Variants in ARHGAP28 observed in about 807,000 individuals in gnomAD.
The protein encoded by ARHGAP28 is rho GTPase-activating protein 28.
A neutral mutation model predicts 90.7 loss-of-function variants in ARHGAP28; 56 were observed. That is an observed-to-expected ratio of 0.62 (90% confidence interval 0.50 to 0.77). The LOEUF is 0.77. Among genes scored for constraint, ARHGAP28 ranks in the 30% least tolerant of loss-of-function variants. The pLI is 0.00. For missense variants in ARHGAP28, 869 were observed against 900.9 expected (o/e 0.96, Z 0.45); for synonymous variants, 308 against 323.3 (o/e 0.95, Z 0.51).
intron 1 of ARHGAP28, among the ~76,000 whole-genome samples, chr18:6,780,271 A>G (rs1256028966): frequency 6.6e-6 from 1 of 152,222 alleles, no homozygotes; most frequent in Non-Finnish European, 1.5e-5. Context: ...GGGCAGATTG[A>G]ACCAACCTTG....
chr18:6,859,291 A>G (rs1371770265), intron 4 of ARHGAP28, among the ~76,000 whole-genome samples: 1 of 152,156 alleles, frequency 6.6e-6, no homozygotes, highest in African/African-American at 2.4e-5. Flanking sequence ...GGCCAGCCGC[A>G]TGGACACAGC....
At chr18:6,741,932 T>A (rs1344141639) in intron 1 of ARHGAP28, among the ~76,000 whole-genome samples, 5 of 152,084 alleles carry the variant, frequency 3.3e-5, no homozygotes, top group Admixed American at 1.3e-4. Context: ...TCCTCTAGAG[T>A]ATAAAAGATG....
chr18:6,886,934 T>C (rs993539550), intron 11 of ARHGAP28, among the ~76,000 whole-genome samples: 2 of 152,188 alleles, frequency 1.3e-5, no homozygotes, highest in African/African-American at 4.8e-5. Context: ...GAGGATCTCG[T>C]TGGCCACCTG....
At chr18:6,743,923 C>G (rs1029306538) in intron 1 of ARHGAP28, among the ~76,000 whole-genome samples, 3 of 152,128 alleles carry the variant, frequency 2.0e-5, no homozygotes, top group Non-Finnish European at 4.4e-5. Context: ...CAGCTGCATC[C>G]AGAGTTCCAC....
At chr18:6,832,309 T>C (rs558206186) in intron 2 of ARHGAP28, among the ~76,000 whole-genome samples, 4 of 151,640 alleles carry the variant, frequency 2.6e-5, no homozygotes, top group South Asian at 4.1e-4. Flanking sequence ...TTTAGACTTA[T>C]TTTATGGCTC....
chr18:6,756,649 A>G (rs532491216), intron 1 of ARHGAP28, among the ~76,000 whole-genome samples: 3 of 152,284 alleles, frequency 2.0e-5, no homozygotes, highest in East Asian at 1.9e-4. Flanking sequence ...GACTCACACA[A>G]TCACAAGGTG....
chr18:6,749,680 C>T (rs1399388189), intron 1 of ARHGAP28, among the ~76,000 whole-genome samples: 3 of 152,076 alleles, frequency 2.0e-5, no homozygotes, highest in African/African-American at 7.2e-5. Context: ...TATGCAAAAA[C>T]AGATTTTTGG....
At chr18:6,804,253 T>C (rs2056502898) in intron 1 of ARHGAP28, among the ~76,000 whole-genome samples, 1 of 152,186 alleles carries the variant, frequency 6.6e-6, no homozygotes, top group Admixed American at 6.5e-5. Context: ...ATTCCAGTAT[T>C]TTTCATTTAA....
At chr18:6,873,609 A>G in intron 8 of ARHGAP28, 35 bp downstream of exon 8, 1 of 1,609,594 alleles carries the variant, frequency 6.2e-7, no homozygotes, top group Non-Finnish European at 8.5e-7. Context: ...TGGCTTTAAC[A>G]CTTTGACACA....
chr18:6,825,781 T>C (rs777967371), intron 2 of ARHGAP28, among the ~76,000 whole-genome samples: 14 of 152,344 alleles, frequency 9.2e-5, no homozygotes, highest in Non-Finnish European at 2.1e-4. Context: ...GCAAAGGACA[T>C]GATTTCACTC....
chr18:6,797,092 T>G (rs2056447046), intron 1 of ARHGAP28, among the ~76,000 whole-genome samples: 1 of 152,208 alleles, frequency 6.6e-6, no homozygotes, highest in Non-Finnish European at 1.5e-5. Flanking sequence ...TCTATTTGTT[T>G]CCTTCCTGTT....
chr18:6,891,316 ATT>A (rs1167823570), intron 14 of ARHGAP28, among the ~76,000 whole-genome samples: 2 of 144,228 alleles, frequency 1.4e-5, no homozygotes, highest in African/African-American at 2.5e-5. Context: ...TTGGAGCTAC[ATT>A]TTTTTTTTTT....
At chr18:6,875,002 G>A (rs2143569275) in intron 9 of ARHGAP28, 2 of 152,322 alleles carry the variant, frequency 1.3e-5, no homozygotes, top group Admixed American at 1.3e-4. Flanking sequence ...CAGAGTCCAT[G>A]GTGACGCTGA....
At chr18:6,787,825 T>C (rs1037164094) in intron 1 of ARHGAP28, among the ~76,000 whole-genome samples, 3 of 152,368 alleles carry the variant, frequency 2.0e-5, no homozygotes, top group East Asian at 3.9e-4. Context: ...GATTTCTTAA[T>C]GTAAAAGTTT....
At position 6,870,857 on chromosome 18, in the gene ARHGAP28, G is replaced by C. The variant is rs573015270; in HGVS notation, c.954+125G>C. 6.8e-6 allele frequency: 7 copies of C among 1,030,202 alleles called. No homozygotes were observed. The East Asian group carries it at 1.4e-4, about 21-fold the overall frequency. 63.8% of individuals were successfully genotyped at this position (1,030,202 alleles called of 1,614,324 possible). A position where few individuals can be genotyped will look rare whatever the true frequency, so the allele number is the denominator to read the frequency against. On this transcript the variant is annotated intron_variant, in intron 7 of 17. Coordinates refer to ENST00000383472, the MANE Select transcript of ARHGAP28 (RefSeq NM_001366230.1). The stretch of plus-strand genomic sequence containing the variant: ...CTCTATTGCCCCAGGCTGGAGTGCA[G>C]TGGCGCGATCTCGGCTCACTGCAAG...
chr18:6,730,133 T>C (rs1212289709), intron 1 of ARHGAP28, 190 bp downstream of exon 1: 4 of 511,618 alleles, frequency 7.8e-6, no homozygotes, highest in Non-Finnish European at 1.2e-5. Context: ...GCTCGAAGGC[T>C]CCACCAGCCT....
At chr18:6,824,351 A>G (rs1425094600) in intron 1 of ARHGAP28, among the ~76,000 whole-genome samples, 1 of 152,068 alleles carries the variant, frequency 6.6e-6, no homozygotes, top group Non-Finnish European at 1.5e-5. Flanking sequence ...AGCCTGACCA[A>G]CGTGGTGAAA....
At chr18:6,746,156 C>T (rs567368849) in intron 1 of ARHGAP28, among the ~76,000 whole-genome samples, 1 of 152,276 alleles carries the variant, frequency 6.6e-6, no homozygotes, top group East Asian at 1.9e-4. Context: ...AGGTGTTTTA[C>T]CTTCCCAAAG....
At chr18:6,875,496 T>C (rs1349083425) in intron 9 of ARHGAP28, among the ~76,000 whole-genome samples, 6 of 152,222 alleles carry the variant, frequency 3.9e-5, no homozygotes, top group Non-Finnish European at 7.3e-5. Context: ...GGTGCTTTAT[T>C]ACAGTGAATC....
Sources: gnomAD v4.1 joint callset for allele counts (sites outside exome capture counted in the v4.1 genomes callset) on GRCh38, gnomAD v4.1.1 for gene constraint, MANE v1.5 for transcripts, NCBI Gene and HGNC (gene_info 2026-07-23, HGNC 2026-07-21) for gene names.